Variants in NRG1 observed in about 807,000 individuals in gnomAD.
NRG1 encodes the protein pro-neuregulin-1, membrane-bound isoform.
A neutral mutation model predicts 63.8 loss-of-function variants in NRG1; 18 were observed. The ratio of observed to expected loss-of-function variants is 0.28; its 90% CI spans 0.19 to 0.42. The LOEUF (loss-of-function observed/expected upper bound fraction) is 0.42, where lower values mean the gene tolerates loss of function less well. NRG1 is among the 10% of genes least tolerant of loss of function. The pLI, the probability that NRG1 is intolerant of heterozygous loss-of-function variation, is 1.00. For synonymous variants in NRG1, 302 were observed against 301.3 expected (o/e 1.00, Z -0.02); for missense variants, 762 against 814.7 (o/e 0.94, Z 0.79).
intron 1 of NRG1, among the ~76,000 whole-genome samples, chr8:32,187,431 T>G (rs923893517): frequency 2.3e-4 from 35 of 152,166 alleles, no homozygotes; most frequent in Non-Finnish European, 4.4e-5. Context: ...GGGCAAGCAT[T>G]TTTAACTTCG....
chr8:32,035,387 CAT>C (rs952333878), intron 1 of NRG1, among the ~76,000 whole-genome samples: 2 of 152,018 alleles, frequency 1.3e-5, no homozygotes, highest in African/African-American at 2.4e-5. Context: ...GAGTAAGTGA[CAT>C]GTGGCACCGA....
intron 1 of NRG1, among the ~76,000 whole-genome samples, chr8:31,650,169 G>A (rs1804692985): frequency 6.6e-6 from 1 of 151,996 alleles, no homozygotes; most frequent in Non-Finnish European, 1.5e-5. Context: ...GTAGAGATGG[G>A]GTTTTGCCAT....
intron 1 of NRG1, among the ~76,000 whole-genome samples, chr8:32,450,341 C>G (rs1358452331): frequency 6.6e-6 from 1 of 152,042 alleles, no homozygotes; most frequent in Non-Finnish European, 1.5e-5. Flanking sequence ...GAGTTCCAGG[C>G]TGTAGTTCAC....
chr8:31,957,000 G>T (rs578154309), intron 1 of NRG1, among the ~76,000 whole-genome samples: 2 of 152,136 alleles, frequency 1.3e-5, no homozygotes, highest in South Asian at 4.2e-4. Flanking sequence ...TTCTACCAGG[G>T]TGAAATAGAG....
intron 1 of NRG1, among the ~76,000 whole-genome samples, chr8:32,304,602 T>A (rs1169534957): frequency 6.6e-6 from 1 of 151,718 alleles, no homozygotes; most frequent in African/African-American, 2.4e-5. Flanking sequence ...GTAAAAAAAA[T>A]ATAAAATATT....
At position 32,467,339 on chromosome 8, in the gene NRG1, G is replaced by A. The variant is rs144767365; in HGVS notation, c.38-128489G>A. Among the ~76,000 whole-genome samples, 11 of 152,206 alleles carry A rather than the reference G, an allele frequency of 7.2e-5. No individual in the cohort carries two copies. The East Asian group carries it at 1.4e-3, about 19-fold the overall frequency. On this transcript the variant is annotated intron_variant, in intron 1 of 10. Coordinates refer to the NRG1 transcript ENST00000519301. Reference sequence around the variant, plus strand: ...CTCCATCAGCCTTTTGTCAGAGCCCGCCTTTTGGTCCCGGAGCCCCCATGA... The same window carrying A: ...CTCCATCAGCCTTTTGTCAGAGCCCACCTTTTGGTCCCGGAGCCCCCATGA...
intron 1 of NRG1, among the ~76,000 whole-genome samples, chr8:32,288,189 A>G (rs1853768179): frequency 6.6e-6 from 1 of 152,186 alleles, no homozygotes; most frequent in Non-Finnish European, 1.5e-5. Context: ...GAGATAGATA[A>G]TCACAAACTG....
chr8:32,761,560 AATTTT>A (rs10566697), intron 11 of NRG1, among the ~76,000 whole-genome samples: 7,153 of 138,548 alleles, frequency 0.052, 502 homozygotes, highest in East Asian at 0.33. Context: ...AAGTCCGCTG[AATTTT>A]ATTTTATTTT....
At chr8:31,927,541 G>C (rs866762777) in intron 1 of NRG1, among the ~76,000 whole-genome samples, 1 of 143,424 alleles carries the variant, frequency 7.0e-6, no homozygotes, top group East Asian at 2.0e-4. Context: ...CTCCGCCTCC[G>C]GGGTTCACGC....
chr8:31,867,166 T>C (rs768258007), intron 1 of NRG1, among the ~76,000 whole-genome samples: 4 of 152,166 alleles, frequency 2.6e-5, no homozygotes, highest in Admixed American at 1.3e-4. Flanking sequence ...TCCTGCTTTG[T>C]TTCCTTTTAT....
At chr8:32,271,939 G>A (rs765358257) in intron 1 of NRG1, among the ~76,000 whole-genome samples, 21 of 152,242 alleles carry the variant, frequency 1.4e-4, no homozygotes, top group Non-Finnish European at 2.6e-4. Context: ...CCAGACAGAG[G>A]CCTTATTTTA....
chr8:31,857,454 C>T (rs561087441), intron 1 of NRG1, among the ~76,000 whole-genome samples: 1 of 152,324 alleles, frequency 6.6e-6, no homozygotes, highest in African/African-American at 2.4e-5. Context: ...TGAGGCAATG[C>T]CTCGCCCTGC....
At chr8:32,644,584 C>A (rs1303372812) in intron 5 of NRG1, among the ~76,000 whole-genome samples, 1 of 152,162 alleles carries the variant, frequency 6.6e-6, no homozygotes, top group Non-Finnish European at 1.5e-5. Flanking sequence ...AGGAAGCTGG[C>A]TGTCTGCAGA....
At chr8:32,195,166 G>A (rs766545745) in intron 1 of NRG1, among the ~76,000 whole-genome samples, 75 of 152,088 alleles carry the variant, frequency 4.9e-4, no homozygotes, top group Non-Finnish European at 1.8e-4. Context: ...CACTGAGCAG[G>A]CTGGGTGCTA....
intron 1 of NRG1, among the ~76,000 whole-genome samples, chr8:32,584,899 C>A (rs1373537371): frequency 2.0e-5 from 3 of 152,028 alleles, no homozygotes; most frequent in African/African-American, 7.2e-5. Context: ...ACTCATCTTA[C>A]CTGGGAATTT....
chr8:31,681,242 G>C (rs552083783), intron 1 of NRG1, among the ~76,000 whole-genome samples: 1 of 152,076 alleles, frequency 6.6e-6, no homozygotes, highest in South Asian at 2.1e-4. Context: ...AGATAATGAA[G>C]AATTTTAAAA....
At chr8:32,770,220 A>G (rs1831691598), downstream of NRG1, among the ~76,000 whole-genome samples, 2 of 152,222 alleles carry the variant, frequency 1.3e-5, no homozygotes, top group Admixed American at 1.3e-4. Flanking sequence ...GAAATGAACT[A>G]TTAAATAAAA....
chr8:31,750,065 A>G (rs1171135638), intron 1 of NRG1, among the ~76,000 whole-genome samples: 1 of 151,874 alleles, frequency 6.6e-6, no homozygotes, highest in African/African-American at 2.4e-5. Flanking sequence ...TCTTTCCTGA[A>G]GGTCAACCTA....
intron 7 of NRG1, chr8:32,749,930 A>G (rs1315692951): frequency 1.5e-5 from 4 of 259,828 alleles, no homozygotes; most frequent in Non-Finnish European, 2.9e-5. Flanking sequence ...CATAAAGGAT[A>G]CAGGGGAAAT....
Sources: gnomAD v4.1 joint callset for allele counts (sites outside exome capture counted in the v4.1 genomes callset) on GRCh38, gnomAD v4.1.1 for gene constraint, MANE v1.5 for transcripts, NCBI Gene and HGNC (gene_info 2026-07-23, HGNC 2026-07-21) for gene names.